The following BCAT1 variants were observed in gnomAD, a reference collection of about 807,000 sequenced individuals.
The protein encoded by BCAT1 is branched chain amino acid transaminase 1, also known as branched-chain-amino-acid aminotransferase, cytosolic.
BCAT1 carries 48 observed loss-of-function variants against 52.4 expected under a neutral mutation model. That is an observed-to-expected ratio of 0.92 (90% CI 0.73 to 1.16). BCAT1 has a LOEUF of 1.16. BCAT1 is among the 50% of genes most tolerant of loss of function. BCAT1 has a pLI of 0.00. For synonymous variants in BCAT1, 167 were observed against 161.3 expected (o/e 1.04, Z -0.27); for missense variants, 451 against 457.1 (o/e 0.99, Z 0.12).
At chr12:24,890,899 A>T (rs7977807) in intron 3 of BCAT1, among the ~76,000 whole-genome samples, 32,700 of 151,886 alleles carry the variant, frequency 0.22, 3,760 homozygotes, top group African/African-American at 0.3. Flanking sequence ...CCTCTTGGGG[A>T]CTGGATTGGG....
In BCAT1 at chr12:24,817,423, T is replaced by C. The variant is rs1939918735; in HGVS notation, c.*585A>G. On this transcript the variant is annotated 3_prime_UTR_variant, in exon 11 of 11. Transcript: ENST00000261192. ...CAATGGTGGGAAATGCACTCAGGTCTTCCTAATGCACAGAGTATGCTCAGG... is the reference window on the plus strand; with the variant it reads ...CAATGGTGGGAAATGCACTCAGGTCCTCCTAATGCACAGAGTATGCTCAGG... The C allele has an allele frequency of 6.5e-6, 1 of 153,342 alleles. No homozygotes were observed. The highest frequency in any genetic ancestry group is 2.4e-5 in the African/African-American group (1 of 41,450). The allele number at this position is 153,342 out of a possible 1,614,324, so 9.5% of individuals were successfully genotyped here. A position where few individuals can be genotyped will look rare whatever the true frequency, so the allele number is the denominator to read the frequency against.
chr12:24,820,363 A>G (rs1264187343), intron 10 of BCAT1, among the ~76,000 whole-genome samples: 1 of 152,214 alleles, frequency 6.6e-6, no homozygotes, highest in Non-Finnish European at 1.5e-5. Flanking sequence ...GCTGATGGAT[A>G]ATGCAATTTA....
chr12:24,891,170 G>T (rs1301165609), intron 3 of BCAT1, among the ~76,000 whole-genome samples: 1 of 152,124 alleles, frequency 6.6e-6, no homozygotes, highest in East Asian at 1.9e-4. Flanking sequence ...TTGGGCCCTA[G>T]GTCAGCACAT....
At chr12:24,930,319 A>C (rs1943658779) in intron 1 of BCAT1, among the ~76,000 whole-genome samples, 1 of 152,188 alleles carries the variant, frequency 6.6e-6, no homozygotes. Flanking sequence ...TTGCCCCAGC[A>C]AGTAGCCTTC....
At chr12:24,904,115 G>A (rs1304738441) in intron 1 of BCAT1, 2 of 152,334 alleles carry the variant, frequency 1.3e-5, no homozygotes, top group African/African-American at 4.8e-5. Flanking sequence ...GGGGTCCCAA[G>A]CTCCAAAGAC....
chr12:24,824,915 C>T (rs542694437), intron 10 of BCAT1, among the ~76,000 whole-genome samples: 1 of 152,214 alleles, frequency 6.6e-6, no homozygotes, highest in South Asian at 2.1e-4. Flanking sequence ...ACTTCCCACT[C>T]CCCTTCTCGG....
At chr12:24,926,293 G>C (rs1943583554) in intron 1 of BCAT1, among the ~76,000 whole-genome samples, 1 of 152,094 alleles carries the variant, frequency 6.6e-6, no homozygotes, top group Admixed American at 6.5e-5. Context: ...CATCTGAGAA[G>C]TAAAGAGCCC....
intron 1 of BCAT1, among the ~76,000 whole-genome samples, chr12:24,910,423 A>T (rs1943303574): frequency 7.7e-6 from 1 of 130,314 alleles, no homozygotes; most frequent in Non-Finnish European, 1.7e-5. Context: ...ATAAATAAAT[A>T]AATTATTGTT....
intron 1 of BCAT1, among the ~76,000 whole-genome samples, chr12:24,936,742 TACACAC>T (rs1313645769): frequency 2.9e-5 from 2 of 67,906 alleles, no homozygotes; most frequent in Non-Finnish European, 8.5e-5. Context: ...CACACACACA[TACACAC>T]ACACATACAC....
chr12:24,879,103 A>T (rs558922073), intron 4 of BCAT1, among the ~76,000 whole-genome samples: 9 of 152,344 alleles, frequency 5.9e-5, no homozygotes, highest in African/African-American at 2.2e-4. Context: ...TAAAAAGTAC[A>T]AAATATCTCT....
rs11318750 is a variant in BCAT1 at position 24,844,894 on chromosome 12, C to CAAAAAA, written c.675-2676_675-2671dup. 2.5e-3 allele frequency among the ~76,000 whole-genome samples: 90 copies of CAAAAAA among 35,998 alleles called. 3 individuals are homozygous for CAAAAAA. Among genetic ancestry groups the CAAAAAA allele is most frequent in the African/African-American group, 5.3e-3 (51 of 9,664 alleles). 23.6% of individuals were successfully genotyped at this position (35,998 alleles called of 152,430 possible). A position where few individuals can be genotyped will look rare whatever the true frequency, so the allele number is the denominator to read the frequency against. ...TCTGAGCGACAGAGTGAGACTGTCT[C>CAAAAAA]AAAAAAAAAAAAAAAAAAAAAAAGA... is the stretch of plus-strand genomic sequence containing the variant. On this transcript the variant is annotated intron_variant, in intron 6 of 10. Coordinates refer to ENST00000261192, the MANE Select transcript of BCAT1 (RefSeq NM_005504.7).
At chr12:24,898,760 C>T (rs1160872446) in intron 2 of BCAT1, among the ~76,000 whole-genome samples, 2 of 151,962 alleles carry the variant, frequency 1.3e-5, no homozygotes, top group African/African-American at 4.8e-5. Flanking sequence ...AAATGATCCA[C>T]CCACCTCAGC....
At chr12:24,834,597 C>T in intron 8 of BCAT1, 1 of 979,006 alleles carries the variant, frequency 1.0e-6, no homozygotes, top group Non-Finnish European at 1.2e-6. Flanking sequence ...GAAATCAAAG[C>T]TCTTGGCAAT....
intron 1 of BCAT1, among the ~76,000 whole-genome samples, chr12:24,942,023 C>T: frequency 6.6e-6 from 1 of 152,174 alleles, no homozygotes; most frequent in East Asian, 1.9e-4. Context: ...AAACTAAACT[C>T]AGGAGACAAT....
chr12:24,893,327 G>A (rs1942888632), intron 3 of BCAT1, among the ~76,000 whole-genome samples: 1 of 152,104 alleles, frequency 6.6e-6, no homozygotes, highest in African/African-American at 2.4e-5. Context: ...ATACTTATGA[G>A]ATCACTGTAA....
intron 3 of BCAT1, among the ~76,000 whole-genome samples, chr12:24,884,472 TAA>T (rs1222318616): frequency 1.3e-5 from 2 of 152,188 alleles, no homozygotes; most frequent in Admixed American, 6.5e-5. Flanking sequence ...TCAAAATTGC[TAA>T]GAGATTAAAT....
chr12:24,856,909 G>A (rs139232919), intron 5 of BCAT1, among the ~76,000 whole-genome samples: 22 of 152,312 alleles, frequency 1.4e-4, no homozygotes, highest in East Asian at 5.8e-4. Flanking sequence ...GCTTGACCTT[G>A]TAACCACGTG....
intron 1 of BCAT1, among the ~76,000 whole-genome samples, chr12:24,909,358 T>G (rs918668672): frequency 2.6e-5 from 4 of 152,182 alleles, no homozygotes; most frequent in Non-Finnish European, 5.9e-5. Flanking sequence ...AAAAAAATCT[T>G]GACAAAAGAA....
At chr12:24,834,869 A>T in intron 8 of BCAT1, 1 of 899,322 alleles carries the variant, frequency 1.1e-6, no homozygotes, top group African/African-American at 1.8e-5. Context: ...TGCTCTGCTC[A>T]CCCTTACTTA....
Sources: allele counts gnomAD v4.1 joint callset (sites outside exome capture counted in the v4.1 genomes callset), GRCh38; gene constraint gnomAD v4.1.1; transcripts MANE v1.5; gene names NCBI Gene and HGNC (gene_info 2026-07-23, HGNC 2026-07-21).